FNDC3B: variants seen among roughly 807,000 people sequenced by gnomAD.
FNDC3B encodes fibronectin type III domain containing 3B.
In FNDC3B, 12 loss-of-function variants were observed where a neutral mutation model predicts 151.5. The observed-to-expected ratio is 0.08, with a 90% CI of 0.05 to 0.13. The LOEUF (loss-of-function observed/expected upper bound fraction) is 0.13. Among genes scored for constraint, FNDC3B ranks in the 10% least tolerant of loss-of-function variants. The pLI is 1.00. For synonymous variants in FNDC3B, 528 were observed against 549.0 expected, an observed-to-expected ratio of 0.96 and a Z score of 0.54; for missense variants, 1,214 against 1,505.3, an observed-to-expected ratio of 0.81 and a Z score of 3.20.
At chr3:172,304,907 A>AG (rs1377073653) in intron 9 of FNDC3B, among the ~76,000 whole-genome samples, 1 of 152,094 alleles carries the variant, frequency 6.6e-6, no homozygotes, top group African/African-American at 2.4e-5. Flanking sequence ...AAAAAAAAAA[A>AG]AAAAAAGCCA....
chr3:172,376,305 T>C (rs563424482), intron 23 of FNDC3B, among the ~76,000 whole-genome samples: 1 of 152,356 alleles, frequency 6.6e-6, no homozygotes, highest in South Asian at 2.1e-4. Flanking sequence ...TGAGTGCTAT[T>C]GCTTATATTA....
chr3:172,327,487 G>A (rs375516371), intron 11 of FNDC3B, among the ~76,000 whole-genome samples: 2 of 152,126 alleles, frequency 1.3e-5, no homozygotes, highest in Non-Finnish European at 2.9e-5. Context: ...TGCGAGCTCC[G>A]TCTCCCAGGT....
chr3:172,263,567 A>T (rs1476569485), intron 6 of FNDC3B, among the ~76,000 whole-genome samples: 1 of 146,318 alleles, frequency 6.8e-6, no homozygotes, highest in African/African-American at 2.5e-5. Flanking sequence ...TGGGTGCCTT[A>T]ATTATTCAGC....
chr3:172,361,616 C>G (rs1046888089), intron 22 of FNDC3B, among the ~76,000 whole-genome samples: 1 of 152,204 alleles, frequency 6.6e-6, no homozygotes, highest in African/African-American at 2.4e-5. Context: ...TATTCAGTGT[C>G]TAAGAAGTTC....
chr3:172,379,746 T>C (rs541466543), intron 24 of FNDC3B, among the ~76,000 whole-genome samples: 2 of 152,310 alleles, frequency 1.3e-5, no homozygotes, highest in South Asian at 2.1e-4. Flanking sequence ...GGTGGCCACA[T>C]TGATCAGTTA....
Position 172,352,826 on chromosome 3 carries a change from G to A in FNDC3B, c.2538G>A (p.Gly846=). The A allele has an allele frequency of 1.2e-6, 2 of 1,613,988 alleles. No individual in the cohort carries two copies. Residue 846 remains glycine, a synonymous_variant, in exon 22 of 26, where the codon GGG becomes GGA. Transcript: ENST00000415807. The surrounding 1 kb of genome is among the most constrained non-coding windows in gnomAD (Gnocchi z 4.2). ...AGGCCTTCAATCAAGCAGGGGCAGG[G>A]CCGTACAGTGAACTTGTCCTTTGCC... is the stretch of plus-strand genomic sequence containing the variant. ...RLQAFNQAGA[G]PYSELVLCQT...
rs1491502464 is a variant in FNDC3B at position 172,181,413 on chromosome 3, AAC to A, written c.188-45456_188-45455del. Among the ~76,000 whole-genome samples the A allele has an allele frequency of 1.2e-4, 17 of 145,038 alleles. 2 individuals are homozygous for A. Among genetic ancestry groups the A allele is most frequent in the African/African-American group, 4.3e-4 (17 of 39,478 alleles). On this transcript the variant is annotated intron_variant, in intron 3 of 25. Coordinates refer to ENST00000415807, the MANE Select transcript of FNDC3B (RefSeq NM_022763.4). ...CTGTCTCCAAAAAAAAAAAAAAAAAAACAAAAAAAAACACCTTTAGAATTTAC... is the reference window on the plus strand; with the variant it reads ...CTGTCTCCAAAAAAAAAAAAAAAAAAAAAAAAAAACACCTTTAGAATTTAC...
Position 172,213,985 on chromosome 3 carries a change from C to T in FNDC3B, c.188-12886C>T, listed in dbSNP as rs191227559. Among the ~76,000 whole-genome samples, 261 of 123,594 alleles carry T rather than the reference C, an allele frequency of 2.1e-3. 1 individual carries two copies. Among genetic ancestry groups the T allele is most frequent in the South Asian group, 0.015 (52 of 3,466 alleles). 81.1% of individuals were successfully genotyped at this position (123,594 alleles called of 152,430 possible). ...GCTTGTTTCTGTGGAGGCAATGTGC[C>T]AAAATTAGAAGCATCTATGGTGCCG... On this transcript the variant is annotated intron_variant, in intron 3 of 25. Coordinates refer to ENST00000415807, the MANE Select transcript of FNDC3B (RefSeq NM_022763.4).
chr3:172,091,632 C>A (rs972433852), intron 1 of FNDC3B, among the ~76,000 whole-genome samples: 1 of 152,006 alleles, frequency 6.6e-6, no homozygotes, highest in Non-Finnish European at 1.5e-5. Context: ...TTAATTTTAG[C>A]TTTAGGAAGT....
At chr3:172,316,248 G>A (rs1731784848) in intron 11 of FNDC3B, among the ~76,000 whole-genome samples, 1 of 152,000 alleles carries the variant, frequency 6.6e-6, no homozygotes, top group African/African-American at 2.4e-5. Flanking sequence ...TGATCACCCA[G>A]CTCAGTTTCC....
At chr3:172,386,224 T>G (rs1444882259) in intron 25 of FNDC3B, among the ~76,000 whole-genome samples, 1 of 152,248 alleles carries the variant, frequency 6.6e-6, no homozygotes, top group Non-Finnish European at 1.5e-5. Flanking sequence ...TGCATGTGAC[T>G]TCTTATTTTG....
chr3:172,353,002 T>C lies in FNDC3B; in HGVS notation c.2714T>C (p.Ile905Thr). The change falls in exon 22 of 26, where the codon ATT (isoleucine) becomes ACT (threonine). Residue 905 changes from isoleucine (I) to threonine (T), a missense_variant. Physicochemically the swap from Ile to Thr is moderately conservative, Grantham distance 89. This residue lies in a region of FNDC3B where 284 missense variants were observed against 392.4 expected (regional missense o/e 0.72). Coordinates refer to ENST00000415807, the MANE Select transcript of FNDC3B (RefSeq NM_022763.4). ...GGATCTGAAATCCTTGCTTACACCA[T>C]TGATCTAGGAGACACTAGCATTACC... ...NNGSEILAYT[I>T]DLGDTSITVG... is the part of the protein sequence containing the mutation. 6.2e-7 allele frequency: 1 copy of C among 1,614,178 alleles called. No individual in the cohort carries two copies. The highest frequency in any genetic ancestry group is 8.5e-7 in the Non-Finnish European group (1 of 1,180,016).
chr3:172,165,261 C>T lies in FNDC3B; in HGVS notation c.187+31715C>T, dbSNP rs146747451. On this transcript the variant is annotated intron_variant, in intron 3 of 25. Transcript: ENST00000415807. Reference sequence around the variant, plus strand: ...CTGACCTCAAGCAATCCTCCCACCTCAGCCTCCCAAAGTGCTAGGATTACA... The same window carrying T: ...CTGACCTCAAGCAATCCTCCCACCTTAGCCTCCCAAAGTGCTAGGATTACA... Among the ~76,000 whole-genome samples the T allele has an allele frequency of 2.8e-3, 431 of 152,338 alleles. 3 individuals are homozygous for T. The highest frequency in any genetic ancestry group is 0.01 in the African/African-American group (416 of 41,580).
rs780376407 is a variant in FNDC3B at position 172,343,016 on chromosome 3, T to C, written c.1977T>C (p.Ser659=). ...CTCTGGTGTTTCTCCTGCAGTGTTC[T>C]GAAAGTCTCCCTGTTCGCACACTAA... The part of the protein sequence containing the change: ...CISTGGHSQC[S]ESLPVRTLSI... Residue 659 remains serine (S), a synonymous_variant, in exon 18 of 26, where the codon TCT becomes TCC. Transcript: ENST00000415807. The C allele has an allele frequency of 1.2e-6, 2 of 1,604,644 alleles. No individual in the cohort carries two copies. The highest frequency in any genetic ancestry group is 3.3e-5 in the Admixed American group (2 of 60,012).
At chr3:172,182,891 G>C (rs148531896) in intron 3 of FNDC3B, among the ~76,000 whole-genome samples, 1 of 152,186 alleles carries the variant, frequency 6.6e-6, no homozygotes, top group Admixed American at 6.5e-5. Flanking sequence ...GTGTAGGCAC[G>C]AAGCTTTCAG....
intron 23 of FNDC3B, among the ~76,000 whole-genome samples, chr3:172,370,690 T>C (rs1256072811): frequency 1.3e-5 from 2 of 152,362 alleles, no homozygotes; most frequent in South Asian, 2.1e-4. Flanking sequence ...GAAAGCTTGC[T>C]CTGTCCCGCC....
At chr3:172,372,394 G>A (rs1020932290) in intron 23 of FNDC3B, among the ~76,000 whole-genome samples, 4 of 152,120 alleles carry the variant, frequency 2.6e-5, no homozygotes, top group African/African-American at 9.7e-5. Flanking sequence ...AGCTACATAT[G>A]CCTCAGCCTG....
chr3:172,322,821 G>A (rs1191286227), intron 11 of FNDC3B, among the ~76,000 whole-genome samples: 2 of 152,122 alleles, frequency 1.3e-5, no homozygotes, highest in African/African-American at 4.8e-5. Context: ...CAGCCAGTGA[G>A]ACATGCCTCA....
In FNDC3B at chr3:172,135,848, C is replaced by T. The variant is rs781616295; in HGVS notation, c.187+2302C>T. The stretch of plus-strand genomic sequence containing the variant: ...GAGTCCCAGTATGAGTTCGTGAATA[C>T]TTCATTCCAGTTGGGTAGAATATAG... On this transcript the variant is annotated intron_variant, in intron 3 of 25. Transcript: ENST00000415807. 1.3e-4 allele frequency among the ~76,000 whole-genome samples: 20 copies of T among 152,294 alleles called. No individual in the cohort carries two copies. The Middle Eastern group carries it at 0.01, about 78-fold the overall frequency.
Sources: gnomAD v4.1 joint callset for allele counts (sites outside exome capture counted in the v4.1 genomes callset) on GRCh38, gnomAD v4.1.1 for gene constraint, gnomAD v4.1.1 regional missense constraint, Gnocchi (gnomAD v3.1) non-coding constraint, MANE v1.5 for transcripts, NCBI Gene and HGNC (gene_info 2026-07-23, HGNC 2026-07-21) for gene names.